MYCBP2: variants seen among roughly 807,000 people sequenced by gnomAD.
MYCBP2 encodes the protein E3 ubiquitin-protein ligase MYCBP2.
Under a neutral mutation model 525.3 loss-of-function variants are expected in MYCBP2, and 120 were observed. The ratio of observed to expected loss-of-function variants is 0.23; its 90% CI spans 0.20 to 0.27. MYCBP2 has a LOEUF of 0.27. Among genes scored for constraint, MYCBP2 ranks in the 10% least tolerant of loss-of-function variants. The pLI is 1.00. For missense variants in MYCBP2, 4,149 were observed against 5,657.1 expected, an observed-to-expected ratio of 0.73 and a Z score of 8.55; for synonymous variants, 1,894 against 1,955.8, an observed-to-expected ratio of 0.97 and a Z score of 0.83.
intron 8 of MYCBP2, among the ~76,000 whole-genome samples, chr13:77,265,918 G>T (rs1294626863): frequency 1.3e-5 from 2 of 152,116 alleles, no homozygotes; most frequent in East Asian, 3.8e-4. Context: ...AGACAAATAT[G>T]GGACTATCTT....
Position 77,168,445 on chromosome 13 carries a change from A to G in MYCBP2, c.6097T>C (p.Cys2033Arg), listed in dbSNP as rs748602769. The part of the protein sequence containing the change: ...IESEHPYKPA[C>R]VMHYKVTFPE... Reference sequence around the variant, plus strand: ...GTGCCTACCTTGTAATGCATCACACAGGCAGGTTTATACGGGTGCTCACTC... The same window carrying G: ...GTGCCTACCTTGTAATGCATCACACGGGCAGGTTTATACGGGTGCTCACTC... The change falls in exon 40 of 83, where the codon TGT (cysteine) becomes CGT (arginine). Residue 2033 changes from cysteine to arginine, a missense_variant. This residue lies in a region of MYCBP2 where 692 missense variants were observed against 852.7 expected (regional missense o/e 0.81). Coordinates refer to ENST00000544440, the MANE Select transcript of MYCBP2 (RefSeq NM_015057.5). The G allele has an allele frequency of 4.3e-6, 7 of 1,613,976 alleles. No homozygotes were observed. Among genetic ancestry groups the G allele is most frequent in the Non-Finnish European group, 5.9e-6 (7 of 1,180,012 alleles).
chr13:77,195,584 A>G (rs1436858287), intron 26 of MYCBP2, among the ~76,000 whole-genome samples: 2 of 121,918 alleles, frequency 1.6e-5, no homozygotes, highest in East Asian at 4.1e-4. Context: ...GCTACCAAAG[A>G]GACTCTTAAA....
Position 77,158,125 on chromosome 13 carries a change from G to C in MYCBP2, c.6598-16C>G, listed in dbSNP as rs781466888. The C allele has an allele frequency of 2.7e-6, 4 of 1,498,388 alleles. No individual in the cohort carries two copies. In the East Asian group the frequency reaches 7.3e-5, roughly 27 times the overall value. 92.8% of individuals were successfully genotyped at this position (1,498,388 alleles called of 1,614,324 possible). ...TTTTGCACACCTGTTAAGTAAAAAA[G>C]AATATTTATATATTCTTAAAAATAA... On this transcript the variant is annotated splice_polypyrimidine_tract_variant and intron_variant, in intron 44 of 82. Coordinates refer to ENST00000544440, the MANE Select transcript of MYCBP2 (RefSeq NM_015057.5).
intron 46 of MYCBP2, among the ~76,000 whole-genome samples, chr13:77,153,752 C>CT (rs57109608): frequency 0.99 from 149,092 of 149,974 alleles, 74,110 homozygotes; most frequent in South Asian, 1. Flanking sequence ...TTAAAATAAA[C>CT]TTTTTTTTTT....
chr13:77,051,583 A>G (rs563723435), intron 81 of MYCBP2, among the ~76,000 whole-genome samples: 2 of 152,318 alleles, frequency 1.3e-5, no homozygotes, highest in East Asian at 1.9e-4. Context: ...AATTTATTAC[A>G]TTGTTTAACT....
chr13:77,048,903 T>C (rs2036159233), intron 82 of MYCBP2, among the ~76,000 whole-genome samples: 1 of 152,202 alleles, frequency 6.6e-6, no homozygotes, highest in Non-Finnish European at 1.5e-5. Context: ...AGCATTCTTA[T>C]TTCTGTTTTT....
chr13:77,212,208 C>G (rs761173900), intron 21 of MYCBP2, 48 bp from the exon 22 acceptor site: 1 of 1,529,624 alleles, frequency 6.5e-7, no homozygotes, highest in East Asian at 2.3e-5. Context: ...TGTAAACAAT[C>G]TAATTTTCAT....
intron 68 of MYCBP2, among the ~76,000 whole-genome samples, chr13:77,072,026 C>T (rs571698348): frequency 1.5e-4 from 23 of 152,186 alleles, no homozygotes; most frequent in East Asian, 5.8e-4. Context: ...CAGTGGCTCA[C>T]GCCTGTAATC....
Position 77,097,572 on chromosome 13 carries a change from T to C in MYCBP2, c.9582A>G (p.Lys3194=), listed in dbSNP as rs1439970137. 2 of 1,613,354 alleles carry C rather than the reference T, an allele frequency of 1.2e-6. No homozygotes were observed. Among genetic ancestry groups the C allele is most frequent in the East Asian group, 4.5e-5 (2 of 44,794 alleles). The stretch of plus-strand genomic sequence containing the variant: ...TATTCTCTTTCTCACACTCTTTCTT[T>C]TTAAGAACTGCACAGGAACCAGGAC... The part of the protein sequence containing the change: ...FPSPGSCAVL[K]KKECEKENKK... Residue 3194 remains lysine, a synonymous_variant, in exon 56 of 83, where the codon AAA becomes AAG. Coordinates refer to ENST00000544440, the MANE Select transcript of MYCBP2 (RefSeq NM_015057.5).
At chr13:77,271,266 T>C (rs2074853050) in intron 5 of MYCBP2, among the ~76,000 whole-genome samples, 1 of 152,194 alleles carries the variant, frequency 6.6e-6, no homozygotes, top group Admixed American at 6.5e-5. Context: ...TATTAATTTG[T>C]TTCTGAGCTC....
At chr13:77,080,589 GATT>G (rs1236967941) in intron 65 of MYCBP2, 2 of 152,242 alleles carry the variant, frequency 1.3e-5, no homozygotes, top group East Asian at 3.9e-4. Flanking sequence ...TATAAATTAT[GATT>G]ATTTGGGACA....
intron 65 of MYCBP2, among the ~76,000 whole-genome samples, chr13:77,080,160 T>C (rs565169624): frequency 1.3e-5 from 2 of 152,154 alleles, no homozygotes; most frequent in East Asian, 3.9e-4. Context: ...GAGGAGGAAA[T>C]AGCTCATATT....
At chr13:77,309,758 A>G (rs920664227) in intron 1 of MYCBP2, among the ~76,000 whole-genome samples, 6 of 152,188 alleles carry the variant, frequency 3.9e-5, no homozygotes, top group African/African-American at 1.4e-4. Context: ...TTCATCCTCT[A>G]TAACACTACT....
At chr13:77,223,645 ATTCCCATC>A (rs2065887904) in intron 20 of MYCBP2, among the ~76,000 whole-genome samples, 1 of 152,168 alleles carries the variant, frequency 6.6e-6, no homozygotes, top group Non-Finnish European at 1.5e-5. Context: ...GACCCAGCCT[ATTCCCATC>A]TTATGATTCT....
Position 77,185,919 on chromosome 13 carries a change from A to C in MYCBP2, c.4396T>G (p.Cys1466Gly), listed in dbSNP as rs996395165. The change falls in exon 31 of 83, where the codon TGT becomes GGT. Residue 1466 changes from cysteine to glycine, a missense_variant. Transcript: ENST00000544440. Reference protein sequence around the residue: ...LERLRFVGTCCLRLLRVYTCE... With the variant: ...LERLRFVGTCGLRLLRVYTCE... ...GTATAGACACGCAATAACCTCAGAC[A>C]ACAGGTACCCACAAAGCGCAGTCTC... 1 of 1,612,594 alleles carries C rather than the reference A, an allele frequency of 6.2e-7. No homozygotes were observed.
Position 77,065,989 on chromosome 13 carries a change from T to C in MYCBP2, c.12552+3A>G. ...CTGCCAAAACAGAAGAATGGGAACT[T>C]ACTGCTGCCATATCCTTGATAAGTT... On this transcript the variant is annotated splice_donor_region_variant and intron_variant, in intron 72 of 82. Transcript: ENST00000544440. 2 of 1,607,396 alleles carry C rather than the reference T, an allele frequency of 1.2e-6. No homozygotes were observed. Among genetic ancestry groups the C allele is most frequent in the Non-Finnish European group, 1.7e-6 (2 of 1,176,204 alleles).
At chr13:77,244,114 T>C (rs766502062) in intron 15 of MYCBP2, among the ~76,000 whole-genome samples, 163 bp from the exon 16 acceptor site, 6 of 152,172 alleles carry the variant, frequency 3.9e-5, no homozygotes, top group Non-Finnish European at 7.4e-5. Flanking sequence ...AAAGAAAAGA[T>C]ATAAATAGCA....
intron 51 of MYCBP2, 77 bp from the exon 52 acceptor site, chr13:77,139,413 A>G: frequency 3.4e-6 from 5 of 1,480,974 alleles, no homozygotes; most frequent in Non-Finnish European, 4.6e-6. Context: ...AAAGTCTGCA[A>G]AGCAGAAAAA....
chr13:77,176,726 C>T (rs1355369201), intron 35 of MYCBP2, 98 bp from the exon 36 acceptor site: 5 of 1,023,450 alleles, frequency 4.9e-6, no homozygotes, highest in Non-Finnish European at 1.3e-6. Flanking sequence ...AATTTATTTT[C>T]TTGAATATAA....
Sources: gnomAD v4.1 joint callset for allele counts (sites outside exome capture counted in the v4.1 genomes callset) on GRCh38, gnomAD v4.1.1 for gene constraint, gnomAD v4.1.1 regional missense constraint, MANE v1.5 for transcripts, NCBI Gene and HGNC (gene_info 2026-07-23, HGNC 2026-07-21) for gene names.